The following IKZF1 variants were observed in gnomAD, a reference collection of about 807,000 sequenced individuals.
The protein encoded by IKZF1 is IKAROS family zinc finger 1.
In IKZF1, 10 loss-of-function variants were observed where a neutral mutation model predicts 51.7. That is an observed-to-expected ratio of 0.19 (90% CI 0.12 to 0.33). IKZF1 has a LOEUF of 0.33. Among genes scored for constraint, IKZF1 ranks in the 10% least tolerant of loss-of-function variants. IKZF1 has a pLI of 1.00. For synonymous variants in IKZF1, 280 were observed against 282.3 expected (o/e 0.99, Z 0.08); for missense variants, 484 against 707.5 (o/e 0.68, Z 3.58).
At chr7:50,396,237 G>C (rs915252562) in intron 7 of IKZF1, among the ~76,000 whole-genome samples, 3 of 151,982 alleles carry the variant, frequency 2.0e-5, no homozygotes, top group Non-Finnish European at 4.4e-5. Context: ...AGTTCTTAAA[G>C]TTTTTTGTTT....
intron 7 of IKZF1, among the ~76,000 whole-genome samples, chr7:50,393,710 G>A (rs753835765): frequency 5.3e-5 from 8 of 152,200 alleles, no homozygotes; most frequent in African/African-American, 4.8e-5. Context: ...TGTGCTGAGC[G>A]TAAGCAGTGG....
intron 4 of IKZF1, among the ~76,000 whole-genome samples, chr7:50,377,549 A>G (rs1810625190): frequency 6.6e-6 from 1 of 152,256 alleles, no homozygotes; most frequent in South Asian, 2.1e-4. Flanking sequence ...GCGTGGGAAC[A>G]CGGCGAGCCC....
At chr7:50,383,916 G>T (rs527583573) in intron 5 of IKZF1, among the ~76,000 whole-genome samples, 1 of 152,366 alleles carries the variant, frequency 6.6e-6, no homozygotes, top group East Asian at 1.9e-4. Flanking sequence ...TGCTCATTGT[G>T]TCCATCTCTT....
chr7:50,371,350 C>T (rs957623339), intron 3 of IKZF1, among the ~76,000 whole-genome samples: 3 of 152,198 alleles, frequency 2.0e-5, no homozygotes, highest in Non-Finnish European at 4.4e-5. Flanking sequence ...AAATGAAGGG[C>T]CAACAAAACT....
At position 50,403,524 on chromosome 7, in the gene IKZF1, C is replaced by T. The variant is rs1818488655; in HGVS notation, c.*2897C>T. On this transcript the variant is annotated 3_prime_UTR_variant, in exon 8 of 8. Coordinates refer to ENST00000331340, the MANE Select transcript of IKZF1 (RefSeq NM_006060.6). ...TCTTGTTCCGCCCCCTCCCTGACAC[C>T]CCAGCTTCCCAGGATGTGGAAAGCC... 4.4e-6 allele frequency: 1 copy of T among 229,496 alleles called. No homozygotes were observed. Among genetic ancestry groups the T allele is most frequent in the Non-Finnish European group, 8.6e-6 (1 of 115,640 alleles). The allele number at this position is 229,496 out of a possible 1,614,324, so 14.2% of individuals were successfully genotyped here.
rs1425695701 is a variant in IKZF1 at position 50,403,040 on chromosome 7, A to G, written c.*2413A>G. 8.9e-6 allele frequency: 2 copies of G among 225,762 alleles called. No individual in the cohort carries two copies. Among genetic ancestry groups the G allele is most frequent in the African/African-American group, 2.2e-5 (1 of 44,952 alleles). 14.0% of individuals were successfully genotyped at this position (225,762 alleles called of 1,614,324 possible). A position where few individuals can be genotyped will look rare whatever the true frequency, so the allele number is the denominator to read the frequency against. ...AGTTATTTTTTCAAGTGGAATTCAA[A>G]CAAAGCTCAAACCAGAACTGTAAAT... is the stretch of plus-strand genomic sequence containing the variant. On this transcript the variant is annotated 3_prime_UTR_variant, in exon 8 of 8. Transcript: ENST00000331340.
intron 7 of IKZF1, among the ~76,000 whole-genome samples, chr7:50,398,532 T>G (rs1031402503): frequency 3.3e-5 from 5 of 152,204 alleles, no homozygotes; most frequent in African/African-American, 1.2e-4. Context: ...CAGAAACCTG[T>G]GTAATGCTCT....
intron 3 of IKZF1, among the ~76,000 whole-genome samples, chr7:50,361,630 C>T (rs1805265274): frequency 6.6e-6 from 1 of 152,208 alleles, no homozygotes; most frequent in Non-Finnish European, 1.5e-5. Context: ...GTAATCCCAG[C>T]ACTTTGGGAG....
rs1817827393 is a variant in IKZF1 at position 50,400,326 on chromosome 7, C to A, written c.1259C>A (p.Pro420Gln). The A allele has an allele frequency of 1.2e-6, 2 of 1,612,868 alleles. No homozygotes were observed. The highest frequency in any genetic ancestry group is 2.7e-5 in the African/African-American group (2 of 74,920). ...GLIYLTNHIA[P>Q]HARNGLSLKE... The stretch of plus-strand genomic sequence containing the variant: ...ATCTACCTGACCAACCACATCGCCC[C>A]GCACGCGCGCAACGGGCTGTCGCTC... The change falls in exon 8 of 8, where the codon CCG (proline) becomes CAG (glutamine). Residue 420 changes from proline to glutamine, a missense_variant. Around this residue, in one of 6 missense-constraint regions of IKZF1, gnomAD observed 72 missense variants for 67.5 expected, o/e 1.07. Coordinates refer to ENST00000331340, the MANE Select transcript of IKZF1 (RefSeq NM_006060.6). The surrounding 1 kb of genome is among the most constrained non-coding windows in gnomAD (Gnocchi z 5.4).
At chr7:50,311,906 TG>T (rs1307918808) in intron 1 of IKZF1, among the ~76,000 whole-genome samples, 1 of 152,208 alleles carries the variant, frequency 6.6e-6, no homozygotes, top group African/African-American at 2.4e-5. Flanking sequence ...TTTAAAATAA[TG>T]GGAACACAGC....
At chr7:50,350,560 G>A (rs935014414) in intron 3 of IKZF1, among the ~76,000 whole-genome samples, 1 of 152,202 alleles carries the variant, frequency 6.6e-6, no homozygotes, top group Non-Finnish European at 1.5e-5. Flanking sequence ...AGGCAGATGA[G>A]TGAGGATAAA....
intron 3 of IKZF1, among the ~76,000 whole-genome samples, chr7:50,359,089 GTC>G (rs1454642091): frequency 6.6e-6 from 1 of 151,960 alleles, no homozygotes; most frequent in Non-Finnish European, 1.5e-5. Flanking sequence ...GTAAAACCCT[GTC>G]TCTACAAAAA....
At chr7:50,396,167 C>T (rs569944738) in intron 7 of IKZF1, among the ~76,000 whole-genome samples, 8 of 151,786 alleles carry the variant, frequency 5.3e-5, no homozygotes, top group African/African-American at 1.4e-4. Flanking sequence ...CTATTGTGAT[C>T]TCTGTTGAGG....
chr7:50,368,186 C>T (rs267601536), intron 3 of IKZF1: 4 of 703,074 alleles, frequency 5.7e-6, no homozygotes, highest in Non-Finnish European at 5.2e-6. Flanking sequence ...CTGTTCTATT[C>T]GTTAGACACC....
chr7:50,382,622 C>T lies in IKZF1; in HGVS notation c.504C>T (p.Ser168=), dbSNP rs573718333. Residue 168 remains serine (S), a synonymous_variant, in exon 5 of 8, where the codon TCC becomes TCT. Coordinates refer to ENST00000331340, the MANE Select transcript of IKZF1 (RefSeq NM_006060.6). ...GNLLRHIKLH[S]GEKPFKCHLC... ...TGCTCCGGCACATCAAGCTGCATTC[C>T]GGGGAGAAGCCCTTCAAATGCCACC... 12 of 1,613,474 alleles carry T rather than the reference C, an allele frequency of 7.4e-6. No individual in the cohort carries two copies. The highest frequency in any genetic ancestry group is 1.1e-5 in the South Asian group (1 of 91,048).
At chr7:50,385,863 T>G (rs1224066282) in intron 5 of IKZF1, among the ~76,000 whole-genome samples, 2 of 152,244 alleles carry the variant, frequency 1.3e-5, no homozygotes, top group Non-Finnish European at 2.9e-5. Context: ...GTACATCACT[T>G]TATATAGATA....
At chr7:50,318,919 G>A (rs889366420) in intron 1 of IKZF1, 129 bp from the exon 2 acceptor site, 9 of 594,470 alleles carry the variant, frequency 1.5e-5, no homozygotes, top group South Asian at 2.3e-5. Context: ...AGTATGTGAG[G>A]AGGAAAATGC....
chr7:50,385,709 A>G (rs1218922493), intron 5 of IKZF1, among the ~76,000 whole-genome samples: 2 of 152,266 alleles, frequency 1.3e-5, no homozygotes, highest in Non-Finnish European at 2.9e-5. Flanking sequence ...CTATTTGATC[A>G]TGGAATTTAC....
chr7:50,393,299 T>C (rs2153504839), intron 7 of IKZF1, among the ~76,000 whole-genome samples: 1 of 152,248 alleles, frequency 6.6e-6, no homozygotes, highest in East Asian at 1.9e-4. Flanking sequence ...GTTCTGTTTT[T>C]GACGTGTTGA....
Sources: allele counts gnomAD v4.1 joint callset (sites outside exome capture counted in the v4.1 genomes callset), GRCh38; gene constraint gnomAD v4.1.1; regional missense constraint gnomAD v4.1.1; non-coding constraint Gnocchi (gnomAD v3.1); transcripts MANE v1.5; gene names NCBI Gene and HGNC (gene_info 2026-07-23, HGNC 2026-07-21).